The following ZDHHC18 variants were observed in gnomAD, a reference collection of about 807,000 sequenced individuals.
ZDHHC18 encodes palmitoyltransferase ZDHHC18.
Under a neutral mutation model 37.5 loss-of-function variants are expected in ZDHHC18, and 23 were observed. The observed-to-expected ratio is 0.61, with a 90% CI of 0.44 to 0.87. ZDHHC18 has a LOEUF of 0.87. Ranked by LOEUF, ZDHHC18 falls within the 40% of genes least tolerant of loss-of-function variation. The pLI is 0.00. For synonymous variants in ZDHHC18, 185 were observed against 218.7 expected (o/e 0.85, Z 1.36); for missense variants, 406 against 525.6 (o/e 0.77, Z 2.22).
At chr1:26,842,956 A>C (rs1332085061) in intron 2 of ZDHHC18, among the ~76,000 whole-genome samples, 6 of 152,030 alleles carry the variant, frequency 3.9e-5, no homozygotes, top group Non-Finnish European at 7.4e-5. Flanking sequence ...GCCCCAGGAG[A>C]CTCAGACTTC....
In ZDHHC18 at chr1:26,850,595, G is replaced by A; in HGVS notation, c.822G>A (p.Glu274=). The change falls in exon 5 of 8, where the codon GAG becomes GAA. Residue 274 remains glutamate, a synonymous_variant. Coordinates refer to ENST00000374142, the MANE Select transcript of ZDHHC18 (RefSeq NM_032283.3). This position sits in a 1 kb window ranked among gnomAD's most constrained non-coding sequence, Gnocchi z 6.1. ...QGSNFLSTLK[E]TPASVLELVI... ...GCAACTTCCTCTCCACTCTGAAGGA[G>A]ACACCAGCAAGATATCCTTTGTCAG... The A allele has an allele frequency of 6.2e-7, 1 of 1,614,206 alleles. No homozygotes were observed. The highest frequency in any genetic ancestry group is 8.5e-7 in the Non-Finnish European group (1 of 1,180,042).
Position 26,826,745 on chromosome 1 carries a change from C to A in ZDHHC18, c.-60C>A. ...CCGCTGCCACCTCCGCTGCTCGGCC[C>A]GGTCCCGGAGTGGCCCGGCCGGCCC... On this transcript the variant is annotated 5_prime_UTR_variant, in exon 1 of 8. Coordinates refer to ENST00000374142, the MANE Select transcript of ZDHHC18 (RefSeq NM_032283.3). This position sits in a 1 kb window ranked among gnomAD's most constrained non-coding sequence, Gnocchi z 5.2. 1.5e-5 allele frequency: 13 copies of A among 862,086 alleles called. No homozygotes were observed. Among genetic ancestry groups the A allele is most frequent in the Non-Finnish European group, 1.8e-5 (13 of 719,646 alleles). The allele number at this position is 862,086 out of a possible 1,614,324, so 53.4% of individuals were successfully genotyped here.
At chr1:26,841,114 T>A (rs951005122) in intron 2 of ZDHHC18, among the ~76,000 whole-genome samples, 1 of 152,106 alleles carries the variant, frequency 6.6e-6, no homozygotes, top group Non-Finnish European at 1.5e-5. Flanking sequence ...GTAGCTGGGA[T>A]TACAGGTGCA....
Position 26,848,622 on chromosome 1 carries a change from T to C in ZDHHC18, c.511T>C (p.Ser171Pro), listed in dbSNP as rs762630934. 20 of 1,613,218 alleles carry C rather than the reference T, an allele frequency of 1.2e-5. No homozygotes were observed. The highest frequency in any genetic ancestry group is 1.7e-5 in the Non-Finnish European group (20 of 1,179,204). Residue 171 changes from serine to proline, a missense_variant, in exon 3 of 8, where the codon TCT becomes CCT. Coordinates refer to ENST00000374142, the MANE Select transcript of ZDHHC18 (RefSeq NM_032283.3). ...LEKQIDNTGS[S>P]TYRPPPRTRE... ...CCTTCCCTCAGACAACACAGGCAGT[T>C]CTACATACCGGCCACCCCCTCGGAC...
At chr1:26,837,452 T>TA (rs2081618047) in intron 2 of ZDHHC18, among the ~76,000 whole-genome samples, 1 of 146,612 alleles carries the variant, frequency 6.8e-6, no homozygotes, top group African/African-American at 2.5e-5. Flanking sequence ...ATTTAATATA[T>TA]TATGTATATT....
chr1:26,831,622 C>T (rs192349087), intron 1 of ZDHHC18, among the ~76,000 whole-genome samples: 1 of 152,190 alleles, frequency 6.6e-6, no homozygotes, highest in Admixed American at 6.5e-5. Flanking sequence ...ATGTTCTAGC[C>T]CTAAGATGGA....
At chr1:26,837,628 C>T (rs888089179) in intron 2 of ZDHHC18, among the ~76,000 whole-genome samples, 1 of 151,732 alleles carries the variant, frequency 6.6e-6, no homozygotes, top group African/African-American at 2.4e-5. Flanking sequence ...TACAGGCATG[C>T]ACCACCATGC....
chr1:26,829,301 C>G (rs986916310), intron 1 of ZDHHC18, among the ~76,000 whole-genome samples: 1 of 152,148 alleles, frequency 6.6e-6, no homozygotes, highest in Non-Finnish European at 1.5e-5. Context: ...TTCTGCCTTA[C>G]TTCTCGCCCC....
At chr1:26,828,392 G>A (rs1365004951) in intron 1 of ZDHHC18, among the ~76,000 whole-genome samples, 1 of 152,018 alleles carries the variant, frequency 6.6e-6, no homozygotes, top group Non-Finnish European at 1.5e-5. Flanking sequence ...TTCCTCATCA[G>A]TAAAATGGGA....
intron 2 of ZDHHC18, among the ~76,000 whole-genome samples, chr1:26,836,572 C>CTT (rs753110980): frequency 5.0e-5 from 7 of 139,374 alleles, no homozygotes; most frequent in Non-Finnish European, 7.9e-5. Context: ...TTCTTTTTTT[C>CTT]TTTTTTTTTT....
At position 26,853,731 on chromosome 1, in the gene ZDHHC18, T is replaced by C. The variant is rs1486669480; in HGVS notation, c.1055T>C (p.Ile352Thr). ...VLCGPLPPSL[I>T]DRRGFVQSDT... is the part of the protein sequence containing the mutation. ...TCTCCCTTGTGTTTTGGAAGCCTAA[T>C]TGACCGGAGGGGATTTGTGCAGTCC... Residue 352 changes from isoleucine to threonine, a missense_variant, in exon 8 of 8, where the codon ATT (isoleucine) becomes ACT (threonine). By Grantham distance (89) the Ile-to-Thr change is moderately conservative. Coordinates refer to ENST00000374142, the MANE Select transcript of ZDHHC18 (RefSeq NM_032283.3). 2.5e-6 allele frequency: 4 copies of C among 1,614,060 alleles called. No homozygotes were observed. Among genetic ancestry groups the C allele is most frequent in the Non-Finnish European group, 3.4e-6 (4 of 1,180,024 alleles).
intron 2 of ZDHHC18, among the ~76,000 whole-genome samples, chr1:26,844,607 A>C (rs2081654410): frequency 6.6e-6 from 1 of 152,184 alleles, no homozygotes; most frequent in South Asian, 2.1e-4. Context: ...GCATATGTTC[A>C]GCTTGGGTAG....
chr1:26,850,959 G>A lies in ZDHHC18; in HGVS notation c.834-170G>A, dbSNP rs754612459. Among the ~76,000 whole-genome samples, 6 of 152,118 alleles carry A rather than the reference G, an allele frequency of 3.9e-5. No individual in the cohort carries two copies. The highest frequency in any genetic ancestry group is 8.8e-5 in the Non-Finnish European group (6 of 68,036). On this transcript the variant is annotated intron_variant, in intron 5 of 7. Transcript: ENST00000374142. The surrounding 1 kb of genome is among the most constrained non-coding windows in gnomAD (Gnocchi z 6.1). ...TCTTGAGTGGGGTCCTGACCCTTCC[G>A]AGGGGCCCAGGAGGTGATCCTGCTA...
intron 2 of ZDHHC18, among the ~76,000 whole-genome samples, chr1:26,846,274 G>GATATATATCTCTAGAGAGATA (rs1557644393): frequency 2.9e-5 from 2 of 70,026 alleles, no homozygotes; most frequent in East Asian, 8.2e-4. Context: ...AGAGATATAT[G>GATATATATCTCTAGAGAGATA]TGTGTGTGTG....
intron 2 of ZDHHC18, among the ~76,000 whole-genome samples, chr1:26,837,157 G>A (rs976839242): frequency 7.4e-5 from 11 of 147,960 alleles, no homozygotes; most frequent in Non-Finnish European, 1.6e-4. Context: ...GGAGGCTGAG[G>A]CAGGAGAATG....
In ZDHHC18 at chr1:26,850,076, C is replaced by T. The variant is rs1291566610; in HGVS notation, c.647-225C>T. 1.3e-5 allele frequency among the ~76,000 whole-genome samples: 2 copies of T among 152,192 alleles called. No individual in the cohort carries two copies. Among genetic ancestry groups the T allele is most frequent in the Non-Finnish European group, 2.9e-5 (2 of 68,026 alleles). ...AGGAGGTGGCTTTGCAGCTGAGACG[C>T]GAAGGAGAAGTTCCAGTTAACCAGG... On this transcript the variant is annotated intron_variant, in intron 3 of 7. Transcript: ENST00000374142. This position sits in a 1 kb window ranked among gnomAD's most constrained non-coding sequence, Gnocchi z 6.1.
At chr1:26,835,875 C>T (rs2081609192) in intron 2 of ZDHHC18, among the ~76,000 whole-genome samples, 1 of 152,144 alleles carries the variant, frequency 6.6e-6, no homozygotes, top group African/African-American at 2.4e-5. Flanking sequence ...CCCTTTGGCA[C>T]CCCAGCCCAG....
At chr1:26,851,923 C>T (rs1570676486) in intron 6 of ZDHHC18, among the ~76,000 whole-genome samples, 1 of 152,346 alleles carries the variant, frequency 6.6e-6, no homozygotes, top group South Asian at 2.1e-4. Flanking sequence ...GACCTGACTT[C>T]TCCTCCCCAT....
At chr1:26,840,694 G>A (rs926210357) in intron 2 of ZDHHC18, among the ~76,000 whole-genome samples, 1 of 151,624 alleles carries the variant, frequency 6.6e-6, no homozygotes, top group African/African-American at 2.4e-5. Flanking sequence ...CGCCTGCCTC[G>A]GCCTCCCAAA....
Sources: gnomAD v4.1 joint callset for allele counts (sites outside exome capture counted in the v4.1 genomes callset) on GRCh38, gnomAD v4.1.1 for gene constraint, Gnocchi (gnomAD v3.1) non-coding constraint, MANE v1.5 for transcripts, NCBI Gene and HGNC (gene_info 2026-07-23, HGNC 2026-07-21) for gene names.